The following POU6F2 variants were observed in gnomAD, a reference collection of about 807,000 sequenced individuals.
POU6F2 encodes the protein POU domain, class 6, transcription factor 2.
A neutral mutation model predicts 71.3 loss-of-function variants in POU6F2; 31 were observed. The ratio of observed to expected loss-of-function variants is 0.43; its 90% CI spans 0.33 to 0.59. POU6F2 has a LOEUF of 0.59. Among genes scored for constraint, POU6F2 ranks in the 20% least tolerant of loss-of-function variants. The pLI is 0.04. For missense variants in POU6F2, 783 were observed against 856.8 expected (o/e 0.91, Z 1.07); for synonymous variants, 347 against 355.7 (o/e 0.98, Z 0.27).
chr7:39,371,794 G>A (rs747451648), intron 5 of POU6F2, among the ~76,000 whole-genome samples: 7 of 152,154 alleles, frequency 4.6e-5, no homozygotes, highest in Non-Finnish European at 7.3e-5. Context: ...GTTCAACCAC[G>A]GGCTCATTGC....
intron 1 of POU6F2, among the ~76,000 whole-genome samples, chr7:39,017,126 CCT>C (rs1789573564): frequency 6.6e-6 from 1 of 152,112 alleles, no homozygotes; most frequent in South Asian, 2.1e-4. Context: ...AGAACTGTGT[CCT>C]CTTCCCTATC....
intron 9 of POU6F2, among the ~76,000 whole-genome samples, chr7:39,463,116 G>A (rs932866743): frequency 2.0e-5 from 3 of 152,182 alleles, no homozygotes; most frequent in African/African-American, 7.2e-5. Context: ...TGTCATACTG[G>A]AGAGTTGTGA....
chr7:39,321,550 CT>C (rs1375039391), intron 4 of POU6F2, among the ~76,000 whole-genome samples: 1 of 152,076 alleles, frequency 6.6e-6, no homozygotes, highest in East Asian at 1.9e-4. Flanking sequence ...GATGTGTACT[CT>C]CTGGAGATGT....
intron 7 of POU6F2, among the ~76,000 whole-genome samples, chr7:39,439,160 C>T (rs1188060985): frequency 1.3e-5 from 2 of 150,902 alleles, no homozygotes; most frequent in African/African-American, 4.9e-5. Flanking sequence ...TCTATTTTAT[C>T]AGAGACTAGG....
intron 2 of POU6F2, among the ~76,000 whole-genome samples, chr7:39,200,857 AAAAG>A (rs994830658): frequency 2.7e-4 from 14 of 51,038 alleles, no homozygotes; most frequent in Non-Finnish European, 4.8e-4. Flanking sequence ...CAACAAGAAA[AAAAG>A]AAAAAAAAAG....
intron 5 of POU6F2, among the ~76,000 whole-genome samples, chr7:39,390,224 C>T (rs896308578): frequency 2.0e-5 from 3 of 152,120 alleles, no homozygotes; most frequent in Non-Finnish European, 4.4e-5. Context: ...GATGAAACCC[C>T]ATCTCTACTA....
intron 1 of POU6F2, among the ~76,000 whole-genome samples, chr7:39,056,093 A>G (rs2128714833): frequency 6.6e-6 from 1 of 151,888 alleles, no homozygotes; most frequent in African/African-American, 2.4e-5. Context: ...AGTTCTCAAT[A>G]TTTTCAGCAA....
chr7:39,036,157 T>C (rs1242223322), intron 1 of POU6F2, among the ~76,000 whole-genome samples: 2 of 152,152 alleles, frequency 1.3e-5, no homozygotes, highest in Non-Finnish European at 1.5e-5. Context: ...TCTTTTTATG[T>C]AGGGCCCAGA....
chr7:39,017,705 T>C (rs906383869), intron 1 of POU6F2, among the ~76,000 whole-genome samples: 3 of 152,120 alleles, frequency 2.0e-5, no homozygotes, highest in Non-Finnish European at 4.4e-5. Context: ...CCAAGCATGC[T>C]GTCATCTCAG....
chr7:39,248,844 T>C (rs1264385833), intron 4 of POU6F2, among the ~76,000 whole-genome samples: 1 of 152,228 alleles, frequency 6.6e-6, no homozygotes, highest in Non-Finnish European at 1.5e-5. Flanking sequence ...CTATCCCCAC[T>C]GAGCCGACTT....
intron 1 of POU6F2, among the ~76,000 whole-genome samples, chr7:39,074,921 A>G (rs1790968043): frequency 6.6e-6 from 1 of 152,150 alleles, no homozygotes; most frequent in Admixed American, 6.5e-5. Context: ...CCATCCCATG[A>G]GGCATATACT....
chr7:39,227,051 T>A (rs774799798), intron 4 of POU6F2, among the ~76,000 whole-genome samples: 1 of 152,246 alleles, frequency 6.6e-6, no homozygotes, highest in African/African-American at 2.4e-5. Context: ...GCTGTGAAAT[T>A]ATTTGCCTTC....
chr7:39,046,227 C>T (rs982070570), intron 1 of POU6F2, among the ~76,000 whole-genome samples: 5 of 151,686 alleles, frequency 3.3e-5, no homozygotes, highest in Admixed American at 2.6e-4. Flanking sequence ...CATCCTTTCC[C>T]GTGTCTTTTA....
intron 4 of POU6F2, among the ~76,000 whole-genome samples, chr7:39,279,166 C>T (rs1784515146): frequency 6.6e-6 from 1 of 152,154 alleles, no homozygotes; most frequent in Non-Finnish European, 1.5e-5. Context: ...TCATCCTATA[C>T]TCCAGTCACT....
intron 4 of POU6F2, among the ~76,000 whole-genome samples, chr7:39,303,977 AC>A (rs991287039): frequency 6.6e-6 from 1 of 152,156 alleles, no homozygotes; most frequent in Non-Finnish European, 1.5e-5. Context: ...AGACTAATTC[AC>A]TGAACCACAG....
chr7:39,077,421 G>T (rs1791024017), intron 1 of POU6F2, among the ~76,000 whole-genome samples: 1 of 152,222 alleles, frequency 6.6e-6, no homozygotes, highest in Non-Finnish European at 1.5e-5. Context: ...CTGTCTGATT[G>T]ATTGTTATGT....
At chr7:39,246,483 A>G (rs895507109) in intron 4 of POU6F2, among the ~76,000 whole-genome samples, 1 of 152,282 alleles carries the variant, frequency 6.6e-6, no homozygotes, top group African/African-American at 2.4e-5. Flanking sequence ...AGATGTGACC[A>G]AGTGGTTAAG....
chr7:39,270,279 G>A (rs1041018228), intron 4 of POU6F2, among the ~76,000 whole-genome samples: 8 of 152,140 alleles, frequency 5.3e-5, no homozygotes, highest in Admixed American at 4.6e-4. Context: ...ATGACATGAG[G>A]GAGCAAACAC....
At chr7:39,407,326 T>G (rs1411013228) in intron 6 of POU6F2, among the ~76,000 whole-genome samples, 2 of 151,754 alleles carry the variant, frequency 1.3e-5, no homozygotes, top group Admixed American at 1.3e-4. Context: ...CCAGGCAACC[T>G]CTGGCATGCT....
Sources: gnomAD v4.1 joint callset for allele counts (sites outside exome capture counted in the v4.1 genomes callset) on GRCh38, gnomAD v4.1.1 for gene constraint, MANE v1.5 for transcripts, NCBI Gene and HGNC (gene_info 2026-07-23, HGNC 2026-07-21) for gene names.